TPM3: variants seen among roughly 807,000 people sequenced by gnomAD.
TPM3 encodes the protein tropomyosin alpha-3 chain.
Under a neutral mutation model 43.1 loss-of-function variants are expected in TPM3, and 16 were observed. The observed-to-expected ratio is 0.37, with a 90% CI of 0.25 to 0.56. The LOEUF is 0.56. Ranked by LOEUF, TPM3 falls within the 20% of genes least tolerant of loss-of-function variation. The pLI is 0.77. For missense variants in TPM3, 176 were observed against 337.2 expected (o/e 0.52, Z 3.74); for synonymous variants, 101 against 116.9 (o/e 0.86, Z 0.88).
At chr1:154,168,023 A>C (rs1457873264) in intron 9 of TPM3, 83 bp from the exon 10 acceptor site, 8 of 1,593,288 alleles carry the variant, frequency 5.0e-6, no homozygotes, top group Non-Finnish European at 5.2e-6. Context: ...AAGAGGAAAA[A>C]AAGGAAGAGG....
Position 154,191,289 on chromosome 1 carries a change from A to G in TPM3, c.140T>C (p.Met47Thr), listed in dbSNP as rs1484146566. 1.9e-6 allele frequency: 3 copies of G among 1,614,100 alleles called. No individual in the cohort carries two copies. The highest frequency in any genetic ancestry group is 2.5e-6 in the Non-Finnish European group (3 of 1,180,030). ...SKQLEDELAA[M>T]QKKLKGTEDE... ...CTCTGTCCCTTTCAGCTTCTTCTGC[A>G]TGGCTGCCAGCTCATCCTCCAGCTA... The change falls in exon 2 of 10, where the codon ATG becomes ACG. Residue 47 changes from methionine to threonine, a missense_variant. This residue lies in a region of TPM3 where 82 missense variants were observed against 148.8 expected (regional missense o/e 0.55). Coordinates refer to ENST00000651641, the MANE Select transcript of TPM3 (RefSeq NM_152263.4).
intron 3 of TPM3, among the ~76,000 whole-genome samples, chr1:154,174,143 G>T (rs184935246): frequency 2.0e-5 from 3 of 151,406 alleles, no homozygotes; most frequent in Non-Finnish European, 4.4e-5. Flanking sequence ...GACCAGCCTG[G>T]TCAACATGGC....
At chr1:154,171,124 C>T in intron 6 of TPM3, 1 of 576,792 alleles carries the variant, frequency 1.7e-6, no homozygotes, top group Admixed American at 3.0e-5. Flanking sequence ...TTGCCCCCAT[C>T]TGTCTGCTAG....
chr1:154,174,385 T>TATATATATAC (rs1662011296), intron 3 of TPM3, among the ~76,000 whole-genome samples: 1 of 94,328 alleles, frequency 1.1e-5, no homozygotes. Flanking sequence ...TATATATATA[T>TATATATATAC]ATATATATAT....
At chr1:154,183,149 G>T (rs1363599695) in intron 2 of TPM3, 1 of 1,597,624 alleles carries the variant, frequency 6.3e-7, no homozygotes, top group Non-Finnish European at 8.5e-7. Context: ...CTCGCGCTCC[G>T]GTTCCTGCCT....
chr1:154,191,112 G>A, intron 2 of TPM3, 74 bp downstream of exon 2: 1 of 1,610,164 alleles, frequency 6.2e-7, no homozygotes, highest in South Asian at 1.1e-5. Flanking sequence ...AAGTGTGTTT[G>A]GAATTTCGTC....
chr1:154,174,545 A>G (rs1222799597), intron 3 of TPM3, among the ~76,000 whole-genome samples: 2 of 129,730 alleles, frequency 1.5e-5, no homozygotes, highest in Non-Finnish European at 1.6e-5. Flanking sequence ...TTTTTTTTTG[A>G]GACCAAAAAA....
intron 9 of TPM3, among the ~76,000 whole-genome samples, chr1:154,168,785 C>T (rs1193193045): frequency 2.0e-5 from 3 of 151,954 alleles, no homozygotes; most frequent in Non-Finnish European, 2.9e-5. Context: ...CTCAGCCTCC[C>T]AAAGTGCTGG....
In TPM3 at chr1:154,163,549, C is replaced by T. The variant is rs957843945; in HGVS notation, c.*4388G>A. 2.6e-5 allele frequency among the ~76,000 whole-genome samples: 4 copies of T among 152,146 alleles called. No homozygotes were observed. Among genetic ancestry groups the T allele is most frequent in the South Asian group, 2.1e-4 (1 of 4,832 alleles). ...AAAAACCACTAGAAAGCATCCAACC[C>T]GGAACTTTTTAAAGAACTACTCAAC... On this transcript the variant is annotated 3_prime_UTR_variant, in exon 10 of 10. Coordinates refer to ENST00000651641, the MANE Select transcript of TPM3 (RefSeq NM_152263.4).
downstream of TPM3, chr1:154,157,807 A>G (rs1394288198): frequency 1.3e-6 from 1 of 773,886 alleles, no homozygotes; most frequent in African/African-American, 1.7e-5. Context: ...CCTGTTGCAG[A>G]GAAGCTGCAG....
intron 5 of TPM3, 190 bp downstream of exon 5, chr1:154,172,718 C>T: frequency 2.8e-6 from 2 of 708,588 alleles, no homozygotes; most frequent in Non-Finnish European, 4.9e-6. Context: ...TCTTTTGTCA[C>T]TTGTCACTAG....
chr1:154,182,557 G>C (rs1234489281), intron 2 of TPM3, among the ~76,000 whole-genome samples: 1 of 152,036 alleles, frequency 6.6e-6, no homozygotes, highest in East Asian at 1.9e-4. Flanking sequence ...GTTCAGTACT[G>C]CCCCTCCCCG....
At chr1:154,158,183 G>A (rs1163601648), downstream of TPM3, among the ~76,000 whole-genome samples, 1 of 152,170 alleles carries the variant, frequency 6.6e-6, no homozygotes, top group African/African-American at 2.4e-5. Flanking sequence ...AAAAGTAGAG[G>A]CCAAAGTAAT....
At chr1:154,191,838 A>T in intron 1 of TPM3, 64 bp downstream of exon 1, 1 of 1,594,676 alleles carries the variant, frequency 6.3e-7, no homozygotes, top group Non-Finnish European at 8.6e-7. Flanking sequence ...TTTCCCATGA[A>T]AACTCCCTTC....
intron 2 of TPM3, 66 bp downstream of exon 2, chr1:154,191,120 G>C: frequency 6.2e-7 from 1 of 1,611,758 alleles, no homozygotes; most frequent in South Asian, 1.1e-5. Context: ...TTGGAATTTC[G>C]TCATACATTA....
chr1:154,191,957 T>C lies in TPM3; in HGVS notation c.62A>G (p.Asp21Gly). The C allele has an allele frequency of 2.5e-6, 4 of 1,613,982 alleles. No individual in the cohort carries two copies. Among genetic ancestry groups the C allele is most frequent in the Non-Finnish European group, 3.4e-6 (4 of 1,180,020 alleles). ...CTCAGCTTCAGCTTGCTCTGCCCGA[T>C]CCAGAGCATTCTCCTTGTCTAACTT... ...MLKLDKENAL[D>G]RAEQAEAEQK... Residue 21 changes from aspartate to glycine, a missense_variant, in exon 1 of 10, where the codon GAT (aspartate) becomes GGT (glycine). This residue lies in a region of TPM3 where 82 missense variants were observed against 148.8 expected (regional missense o/e 0.55). Coordinates refer to ENST00000651641, the MANE Select transcript of TPM3 (RefSeq NM_152263.4).
chr1:154,159,272 A>G (rs1660116616), downstream of TPM3, among the ~76,000 whole-genome samples: 1 of 152,234 alleles, frequency 6.6e-6, no homozygotes, highest in East Asian at 1.9e-4. Context: ...GAGGAAATTC[A>G]GACTGACAAG....
At chr1:154,182,510 C>T (rs1663073134) in intron 2 of TPM3, among the ~76,000 whole-genome samples, 1 of 152,184 alleles carries the variant, frequency 6.6e-6, no homozygotes. Context: ...GTCTTTCCGA[C>T]GGTTCCCACC....
intron 5 of TPM3, chr1:154,172,223 AGAG>A (rs1558044639): frequency 5.3e-6 from 5 of 951,978 alleles, no homozygotes; most frequent in Non-Finnish European, 8.7e-6. Flanking sequence ...AAAAATGGGA[AGAG>A]AACACCACCA....
Sources: gnomAD v4.1 joint callset for allele counts (sites outside exome capture counted in the v4.1 genomes callset) on GRCh38, gnomAD v4.1.1 for gene constraint, gnomAD v4.1.1 regional missense constraint, MANE v1.5 for transcripts, NCBI Gene and HGNC (gene_info 2026-07-23, HGNC 2026-07-21) for gene names.